PIWIL3: variants seen among roughly 807,000 people sequenced by gnomAD.
The protein encoded by PIWIL3 is piwi-like protein 3.
A neutral mutation model predicts 109.7 loss-of-function variants in PIWIL3; 101 were observed. That is an observed-to-expected ratio of 0.92 (90% CI 0.78 to 1.09). The LOEUF is 1.09. PIWIL3 is among the 50% of genes least tolerant of loss of function. The pLI, the probability that PIWIL3 is intolerant of heterozygous loss-of-function variation, is 0.00. For missense variants in PIWIL3, 1,031 were observed against 1,072.6 expected, an observed-to-expected ratio of 0.96 and a Z score of 0.54; for synonymous variants, 373 against 376.4, an observed-to-expected ratio of 0.99 and a Z score of 0.10.
At chr22:24,757,079 C>CAAACAAAAAAAAAAAAAAAAAAAA (rs1925082585) in intron 4 of PIWIL3, among the ~76,000 whole-genome samples, 1 of 91,738 alleles carries the variant, frequency 1.1e-5, no homozygotes, top group African/African-American at 4.5e-5. Flanking sequence ...AACTCCGTCT[C>CAAACAAAAAAAAAAAAAAAAAAAA]AAAAAAAAAA....
At chr22:24,767,023 C>T (rs1382168490) in intron 1 of PIWIL3, among the ~76,000 whole-genome samples, 3 of 151,644 alleles carry the variant, frequency 2.0e-5, no homozygotes, top group Admixed American at 6.6e-5. Context: ...GTCCCTGGTG[C>T]TTGGGAGGTT....
rs1924180538 is a variant in PIWIL3 at position 24,744,178 on chromosome 22, T to TTAAAAAAAAAAAAAAAAAAAAAAA, written c.1449+4728_1449+4729insTTTTTTTTTTTTTTTTTTTTTTTA. ...ACTCTAATTGAAAGAGTGACCGAAT[T>TTAAAAAAAAAAAAAAAAAAAAAAA]AAAAAAAAAAAAAAAAAAAAAAAAA... On this transcript the variant is annotated intron_variant, in intron 12 of 20. Coordinates refer to ENST00000616349, the MANE Select transcript of PIWIL3 (RefSeq NM_001255975.1). Among the ~76,000 whole-genome samples, 46 of 34,318 alleles carry TTAAAAAAAAAAAAAAAAAAAAAAA rather than the reference T, an allele frequency of 1.3e-3. 14 individuals carry two copies. Among genetic ancestry groups the TTAAAAAAAAAAAAAAAAAAAAAAA allele is most frequent in the Middle Eastern group, 0.043 (2 of 46 alleles). The allele number at this position is 34,318 out of a possible 152,430, so 22.5% of individuals were successfully genotyped here. A position where few individuals can be genotyped will look rare whatever the true frequency, so the allele number is the denominator to read the frequency against.
intron 1 of PIWIL3, among the ~76,000 whole-genome samples, chr22:24,770,077 T>C (rs1163051172): frequency 6.6e-6 from 1 of 152,236 alleles, no homozygotes; most frequent in Admixed American, 6.5e-5. Flanking sequence ...AACTGTATAC[T>C]AACTGCTGCA....
intron 12 of PIWIL3, among the ~76,000 whole-genome samples, chr22:24,740,547 C>CAAAAAAAA (rs528700128): frequency 3.6e-5 from 4 of 112,476 alleles, no homozygotes; most frequent in Non-Finnish European, 5.4e-5. Flanking sequence ...GACTCCATCT[C>CAAAAAAAA]AAAAAAAAAA....
chr22:24,758,341 T>C (rs1167450150), intron 3 of PIWIL3, among the ~76,000 whole-genome samples: 2 of 152,192 alleles, frequency 1.3e-5, no homozygotes, highest in Non-Finnish European at 2.9e-5. Flanking sequence ...TCTTTAAGCC[T>C]ATCTCCTGGC....
chr22:24,773,401 C>G (rs1926235348), intron 1 of PIWIL3, among the ~76,000 whole-genome samples: 1 of 152,170 alleles, frequency 6.6e-6, no homozygotes, highest in African/African-American at 2.4e-5. Flanking sequence ...CGGCAGGACC[C>G]CCTCCTGAGC....
rs780962703 is a variant in PIWIL3, at chr22:24,728,035, C to T, written c.1924G>A (p.Val642Ile). The T allele has an allele frequency of 7.2e-5, 116 of 1,613,794 alleles. 1 individual carries two copies. In the South Asian group the frequency reaches 9.6e-4, roughly 13 times the overall value. Residue 642 changes from valine to isoleucine, a missense_variant, in exon 16 of 21, where the codon GTT becomes ATT. Coordinates refer to ENST00000616349, the MANE Select transcript of PIWIL3 (RefSeq NM_001255975.1). ...VETDVQRTMF[V>I]GIDCFHDIVN... ...ATATCGTGGAAACAATCAATGCCAA[C>T]GAACATTGTTCTTTGTACCTTAAGT...
chr22:24,748,928 G>A lies in PIWIL3; in HGVS notation c.1428C>T (p.Asn476=). The change falls in exon 12 of 21, where the codon AAC becomes AAT. Residue 476 remains asparagine, a synonymous_variant. Coordinates refer to ENST00000616349, the MANE Select transcript of PIWIL3 (RefSeq NM_001255975.1). ...SVPGRVLKNA[N]IVQGRRMVKA... ...TTACCATTCTTCTGCCTTGCACGAT[G>A]TTTGCGTTTTTCAAAACTCTTCCCG... 2 of 1,612,604 alleles carry A rather than the reference G, an allele frequency of 1.2e-6. No homozygotes were observed. The highest frequency in any genetic ancestry group is 1.7e-5 in the Admixed American group (1 of 59,762).
chr22:24,745,717 GAAA>G (rs71189273), intron 12 of PIWIL3, among the ~76,000 whole-genome samples: 1,436 of 80,310 alleles, frequency 0.018, 6 homozygotes, highest in African/African-American at 0.036. Context: ...GTCAGACTAA[GAAA>G]AAAAAAAAAA....
chr22:24,769,037 T>C (rs1925968490), intron 1 of PIWIL3, among the ~76,000 whole-genome samples: 1 of 152,134 alleles, frequency 6.6e-6, no homozygotes, highest in Admixed American at 6.5e-5. Flanking sequence ...AGGCCAACTA[T>C]ACAGTCCTCC....
At chr22:24,719,707 A>G (rs764020941) in intron 20 of PIWIL3, 41 bp downstream of exon 20, 6 of 1,581,208 alleles carry the variant, frequency 3.8e-6, no homozygotes, top group African/African-American at 2.7e-5. Context: ...TGAATAGTAC[A>G]TTTAAAAAAT....
Position 24,759,802 on chromosome 22 carries a change from A to G in PIWIL3, c.223+67T>C, listed in dbSNP as rs1925304676. ...GTCCTGAGGCTATCTAGAACCTTCT[A>G]CCGCTGTGGTAGCCCTTCACACATG... On this transcript the variant is annotated intron_variant, in intron 3 of 20. Coordinates refer to ENST00000616349, the MANE Select transcript of PIWIL3 (RefSeq NM_001255975.1). 36 of 1,607,288 alleles carry G rather than the reference A, an allele frequency of 2.2e-5. 1 individual carries two copies. The South Asian group carries it at 3.8e-4, about 17-fold the overall frequency.
At chr22:24,758,150 T>C in intron 3 of PIWIL3, 111 bp from the exon 4 acceptor site, 1 of 1,268,080 alleles carries the variant, frequency 7.9e-7, no homozygotes, top group Non-Finnish European at 1.1e-6. Context: ...CCACCCAAGG[T>C]TCCAAAACAC....
intron 19 of PIWIL3, among the ~76,000 whole-genome samples, chr22:24,720,516 C>CT (rs1429324506): frequency 3.3e-5 from 5 of 152,108 alleles, no homozygotes; most frequent in African/African-American, 1.2e-4. Flanking sequence ...CATGATCTGC[C>CT]TGCCTCGGCC....
intron 12 of PIWIL3, among the ~76,000 whole-genome samples, chr22:24,743,391 T>A (rs560162960): frequency 6.6e-6 from 1 of 152,240 alleles, no homozygotes; most frequent in Non-Finnish European, 1.5e-5. Flanking sequence ...TACTTGCACA[T>A]GCAAGTTTAT....
intron 18 of PIWIL3, among the ~76,000 whole-genome samples, chr22:24,724,393 C>G (rs538699807): frequency 1.3e-5 from 2 of 151,972 alleles, no homozygotes; most frequent in South Asian, 4.2e-4. Flanking sequence ...TTCTGAGTAG[C>G]TGGGACTATA....
Position 24,744,182 on chromosome 22 carries a change from A to G in PIWIL3, c.1449+4725T>C, listed in dbSNP as rs199577628. On this transcript the variant is annotated intron_variant, in intron 12 of 20. Coordinates refer to ENST00000616349, the MANE Select transcript of PIWIL3 (RefSeq NM_001255975.1). Reference sequence around the variant, plus strand: ...TAATTGAAAGAGTGACCGAATTAAAAAAAAAAAAAAAAAAAAAAAAAAAAA... The same window carrying G: ...TAATTGAAAGAGTGACCGAATTAAAGAAAAAAAAAAAAAAAAAAAAAAAAA... 4.2e-4 allele frequency among the ~76,000 whole-genome samples: 40 copies of G among 95,692 alleles called. 1 individual carries two copies. Among genetic ancestry groups the G allele is most frequent in the South Asian group, 6.8e-4 (2 of 2,936 alleles). 62.8% of individuals were successfully genotyped at this position (95,692 alleles called of 152,430 possible).
intron 1 of PIWIL3, among the ~76,000 whole-genome samples, chr22:24,770,686 T>C (rs1404471155): frequency 7.7e-6 from 1 of 130,150 alleles, no homozygotes; most frequent in Non-Finnish European, 1.6e-5. Flanking sequence ...AAAACAAAAA[T>C]TAGCCGGGCA....
intron 14 of PIWIL3, among the ~76,000 whole-genome samples, chr22:24,729,673 A>T (rs1292504189): frequency 6.6e-6 from 1 of 152,198 alleles, no homozygotes; most frequent in Admixed American, 6.5e-5. Flanking sequence ...TTTTTGGTGG[A>T]CATCTTTTAT....
Sources: gnomAD v4.1 joint callset for allele counts (sites outside exome capture counted in the v4.1 genomes callset) on GRCh38, gnomAD v4.1.1 for gene constraint, MANE v1.5 for transcripts, NCBI Gene and HGNC (gene_info 2026-07-23, HGNC 2026-07-21) for gene names.